IL16: variants seen among roughly 807,000 people sequenced by gnomAD.
IL16 encodes pro-interleukin-16.
IL16 carries 67 observed loss-of-function variants against 110.1 expected under a neutral mutation model. That is an observed-to-expected ratio of 0.61 (90% CI 0.50 to 0.75). IL16 has a LOEUF of 0.75. IL16 is among the 30% of genes least tolerant of loss of function. The pLI is 0.00. For synonymous variants in IL16, 689 were observed against 662.9 expected, an observed-to-expected ratio of 1.04 and a Z score of -0.61; for missense variants, 1,545 against 1,655.0, an observed-to-expected ratio of 0.93 and a Z score of 1.15.
intron 2 of IL16, among the ~76,000 whole-genome samples, chr15:81,231,519 C>T (rs1434245735): frequency 3.3e-5 from 5 of 152,138 alleles, no homozygotes; most frequent in African/African-American, 1.2e-4. Flanking sequence ...ACTACAGGCA[C>T]ATGCCACCAT....
intron 4 of IL16, among the ~76,000 whole-genome samples, chr15:81,267,569 T>G (rs897648322): frequency 2.0e-5 from 3 of 151,650 alleles, no homozygotes; most frequent in African/African-American, 7.3e-5. Context: ...GGTAGGCAGG[T>G]TCCAAGATCT....
intron 6 of IL16, among the ~76,000 whole-genome samples, chr15:81,278,225 A>T (rs892768546): frequency 6.6e-6 from 1 of 152,090 alleles, no homozygotes; most frequent in African/African-American, 2.4e-5. Flanking sequence ...ATCTAATAAG[A>T]CAAAATCCCT....
At chr15:81,297,936 T>C (rs1466504041) in intron 13 of IL16, among the ~76,000 whole-genome samples, 1 of 152,226 alleles carries the variant, frequency 6.6e-6, no homozygotes, top group Non-Finnish European at 1.5e-5. Context: ...TTTGGAGGGC[T>C]AAGGGACATT....
At chr15:81,220,302 T>G (rs1256051804) in intron 1 of IL16, among the ~76,000 whole-genome samples, 1 of 152,002 alleles carries the variant, frequency 6.6e-6, no homozygotes, top group Non-Finnish European at 1.5e-5. Flanking sequence ...GCTGGCTAGT[T>G]TTTTTGTTTT....
chr15:81,193,247 G>A (rs2141926286), upstream of IL16, among the ~76,000 whole-genome samples: 1 of 152,258 alleles, frequency 6.6e-6, no homozygotes, highest in African/African-American at 2.4e-5. Context: ...GGAAGTTTAG[G>A]GAAGAAACAT....
upstream of IL16, among the ~76,000 whole-genome samples, chr15:81,193,069 A>C (rs1456645565): frequency 6.6e-6 from 1 of 152,222 alleles, no homozygotes; most frequent in Non-Finnish European, 1.5e-5. Context: ...ACCAGTCCAC[A>C]GAGAAGTGCC....
At chr15:81,275,966 C>T (rs1318694688) in intron 6 of IL16, among the ~76,000 whole-genome samples, 1 of 152,134 alleles carries the variant, frequency 6.6e-6, no homozygotes, top group Non-Finnish European at 1.5e-5. Context: ...CAGGACATTC[C>T]AAAAAGCCCA....
Position 81,313,345 on chromosome 15 carries a change from G to A in IL16, c.*4547G>A. ...AAGAAGGAGTCCACCACGTTCTGTG[G>A]GAGGTAACCGCTGAGGTCGGTATGG... On this transcript the variant is annotated 3_prime_UTR_variant, in exon 19 of 19. Coordinates refer to ENST00000683961, the MANE Select transcript of IL16 (RefSeq NM_172217.5). 6.3e-7 allele frequency: 1 copy of A among 1,582,556 alleles called. No individual in the cohort carries two copies. Among genetic ancestry groups the A allele is most frequent in the Non-Finnish European group, 8.6e-7 (1 of 1,164,810 alleles).
chr15:81,185,995 G>T (rs1895413463), intron 1 of IL16, among the ~76,000 whole-genome samples: 1 of 152,240 alleles, frequency 6.6e-6, no homozygotes, highest in African/African-American at 2.4e-5. Context: ...ATGGTGACTT[G>T]TTAGCTAAGG....
intron 2 of IL16, among the ~76,000 whole-genome samples, chr15:81,226,479 C>T (rs950071): frequency 0.085 from 12,897 of 152,216 alleles, 558 homozygotes; most frequent in Middle Eastern, 0.1. Flanking sequence ...GTGCTGCTAA[C>T]GCAGTGATAA....
intron 1 of IL16, among the ~76,000 whole-genome samples, chr15:81,214,811 G>T (rs1413850530): frequency 6.6e-6 from 1 of 152,048 alleles, no homozygotes; most frequent in Non-Finnish European, 1.5e-5. Context: ...TAGAGATTTT[G>T]TTCATTTTTC....
intron 1 of IL16, among the ~76,000 whole-genome samples, chr15:81,184,647 C>T (rs1509557): frequency 0.087 from 13,183 of 152,252 alleles, 912 homozygotes; most frequent in South Asian, 0.3. Flanking sequence ...CTTATCCGGG[C>T]GATGCCCCAT....
upstream of IL16, among the ~76,000 whole-genome samples, chr15:81,195,170 G>A (rs571471571): frequency 1.3e-5 from 2 of 152,256 alleles, no homozygotes; most frequent in African/African-American, 4.8e-5. Context: ...ACAGATCTTC[G>A]GAAAATAGAG....
intron 3 of IL16, among the ~76,000 whole-genome samples, chr15:81,264,471 T>C (rs1898288103): frequency 6.6e-6 from 1 of 152,230 alleles, no homozygotes; most frequent in African/African-American, 2.4e-5. Flanking sequence ...CTTCCTCTCT[T>C]CAGCCTATAA....
At chr15:81,201,652 G>A (rs1045930838) in intron 1 of IL16, among the ~76,000 whole-genome samples, 1 of 151,900 alleles carries the variant, frequency 6.6e-6, no homozygotes, top group Non-Finnish European at 1.5e-5. Flanking sequence ...AAATTTATTA[G>A]CAATTTATTA....
At chr15:81,288,829 A>ATGTGTGTGTGTGTGTG (rs149894902) in intron 10 of IL16, among the ~76,000 whole-genome samples, 21 of 140,970 alleles carry the variant, frequency 1.5e-4, no homozygotes, top group African/African-American at 5.4e-4. Context: ...TAGTATGTGT[A>ATGTGTGTGTGTGTGTG]TGTGTGTGTG....
intron 2 of IL16, among the ~76,000 whole-genome samples, chr15:81,228,271 G>A (rs1005297372): frequency 6.6e-6 from 1 of 151,776 alleles, no homozygotes; most frequent in African/African-American, 2.4e-5. Context: ...CCGGGCAGGG[G>A]AAAGAACAAA....
Position 81,250,345 on chromosome 15 carries a change from C to CT in IL16, c.313-9421dup, listed in dbSNP as rs1285196325. Among the ~76,000 whole-genome samples the CT allele has an allele frequency of 1.1e-4, 17 of 152,016 alleles. No individual in the cohort carries two copies. In the South Asian group the frequency reaches 3.3e-3, roughly 30 times the overall value. ...CCACCACTCCTGGCTAATTTTATTTCTTTTTTATTTTAAATAGAGATGGGG... is the reference window on the plus strand; with the variant it reads ...CCACCACTCCTGGCTAATTTTATTTCTTTTTTTATTTTAAATAGAGATGGGG... On this transcript the variant is annotated intron_variant, in intron 2 of 18. Coordinates refer to ENST00000683961, the MANE Select transcript of IL16 (RefSeq NM_172217.5).
intron 2 of IL16, among the ~76,000 whole-genome samples, chr15:81,253,033 C>T (rs555978952): frequency 6.6e-6 from 1 of 152,138 alleles, no homozygotes; most frequent in Non-Finnish European, 1.5e-5. Context: ...CTATACTTAA[C>T]TTTTTGAAAA....
Sources: gnomAD v4.1 joint callset for allele counts (sites outside exome capture counted in the v4.1 genomes callset) on GRCh38, gnomAD v4.1.1 for gene constraint, MANE v1.5 for transcripts, NCBI Gene and HGNC (gene_info 2026-07-23, HGNC 2026-07-21) for gene names.